ARID5B: variants seen among roughly 807,000 people sequenced by gnomAD.
The protein encoded by ARID5B is AT-rich interaction domain 5B.
Under a neutral mutation model 97.2 loss-of-function variants are expected in ARID5B, and 13 were observed. That is an observed-to-expected ratio of 0.13 (90% CI 0.09 to 0.21). The LOEUF (loss-of-function observed/expected upper bound fraction) is 0.21, where lower values mean the gene tolerates loss of function less well. ARID5B is among the 10% of genes least tolerant of loss of function. ARID5B has a pLI of 1.00. For synonymous variants in ARID5B, 556 were observed against 570.3 expected (o/e 0.97, Z 0.36); for missense variants, 1,210 against 1,465.3 (o/e 0.83, Z 2.84).
rs368107420 is a variant in ARID5B at position 62,085,909 on chromosome 10, C to T, written c.1398+9C>T. The T allele has an allele frequency of 6.2e-7, 1 of 1,605,760 alleles. No homozygotes were observed. The highest frequency in any genetic ancestry group is 8.5e-7 in the Non-Finnish European group (1 of 1,177,944). On this transcript the variant is annotated intron_variant, in intron 9 of 9. Coordinates refer to ENST00000279873, the MANE Select transcript of ARID5B (RefSeq NM_032199.3). ...CCCAGGATGCAGCAGAGGTGAGTTG[C>T]TTTGCTCCATAGAAATACCTCTGGA... is the stretch of plus-strand genomic sequence containing the variant.
chr10:61,940,943 A>ATG (rs1564608212), intron 3 of ARID5B, among the ~76,000 whole-genome samples: 1 of 4,434 alleles, frequency 2.3e-4, no homozygotes, highest in Non-Finnish European at 7.3e-4. Flanking sequence ...ATATATATAT[A>ATG]TATATATATA....
chr10:61,939,391 G>A (rs183698092), intron 2 of ARID5B, among the ~76,000 whole-genome samples: 115 of 152,292 alleles, frequency 7.6e-4, no homozygotes, highest in African/African-American at 2.6e-3. Flanking sequence ...AGTCAGAAAA[G>A]TTGGTTGTTT....
rs116200916 is a variant in ARID5B at position 61,933,116 on chromosome 10, C to T, written c.277-7067C>T. Among the ~76,000 whole-genome samples the T allele has an allele frequency of 5.8e-3, 888 of 152,324 alleles. 13 individuals are homozygous for T. The highest frequency in any genetic ancestry group is 0.02 in the African/African-American group (851 of 41,580). ...AACAAAAAAACATTGTTGACAGCAT[C>T]TTCACCAACAGTAGATTTTATGTCA... On this transcript the variant is annotated intron_variant, in intron 2 of 9. Transcript: ENST00000279873.
chr10:61,992,452 T>C (rs1429954276), intron 3 of ARID5B, among the ~76,000 whole-genome samples: 4 of 152,212 alleles, frequency 2.6e-5, no homozygotes, highest in African/African-American at 9.7e-5. Context: ...CAAAAGCTGA[T>C]AGTAACATTT....
At chr10:61,936,809 A>G (rs1844309140) in intron 2 of ARID5B, among the ~76,000 whole-genome samples, 1 of 4,924 alleles carries the variant, frequency 2.0e-4, no homozygotes, top group Non-Finnish European at 6.4e-4. Flanking sequence ...AGGCAGACAG[A>G]ATTATTATAA....
chr10:62,000,458 C>A lies in ARID5B; in HGVS notation c.733+137C>A. On this transcript the variant is annotated intron_variant, in intron 4 of 9. Coordinates refer to ENST00000279873, the MANE Select transcript of ARID5B (RefSeq NM_032199.3). This position sits in a 1 kb window ranked among gnomAD's most constrained non-coding sequence, Gnocchi z 4.4. ...GTGCTGCCCCACCCCTCCCATCCCC[C>A]AAATTATTGCGGCATAAGGCGTCAT... The A allele has an allele frequency of 1.3e-6, 1 of 744,410 alleles. No individual in the cohort carries two copies. Among genetic ancestry groups the A allele is most frequent in the South Asian group, 1.9e-5 (1 of 52,818 alleles). 46.1% of individuals were successfully genotyped at this position (744,410 alleles called of 1,614,324 possible).
intron 3 of ARID5B, among the ~76,000 whole-genome samples, chr10:61,985,318 C>A (rs1163311662): frequency 6.6e-6 from 1 of 151,806 alleles, no homozygotes; most frequent in Non-Finnish European, 1.5e-5. Context: ...TGCCCACCAC[C>A]TTTTCTAGGC....
At chr10:61,936,232 A>G (rs1310566632) in intron 2 of ARID5B, among the ~76,000 whole-genome samples, 1 of 152,226 alleles carries the variant, frequency 6.6e-6, no homozygotes, top group African/African-American at 2.4e-5. Context: ...AAAACTTGCT[A>G]TATCTCCTAT....
chr10:61,925,187 A>AGTGG (rs1844082190), intron 2 of ARID5B, among the ~76,000 whole-genome samples: 3 of 152,278 alleles, frequency 2.0e-5, no homozygotes, highest in East Asian at 3.9e-4. Flanking sequence ...CCTGGGCGAC[A>AGTGG]GAGACTCTGT....
chr10:61,916,344 C>T, intron 2 of ARID5B, among the ~76,000 whole-genome samples: 1 of 152,208 alleles, frequency 6.6e-6, no homozygotes, highest in East Asian at 1.9e-4. Flanking sequence ...TCTCTGGCAG[C>T]TTTCGCACTA....
chr10:61,999,918 T>C (rs1440835126), intron 3 of ARID5B, among the ~76,000 whole-genome samples, 173 bp from the exon 4 acceptor site: 1 of 152,040 alleles, frequency 6.6e-6, no homozygotes, highest in Non-Finnish European at 1.5e-5. Flanking sequence ...GCGTATTCTG[T>C]GGGGCTGGAT....
At chr10:62,048,784 T>C (rs1445917429) in intron 4 of ARID5B, among the ~76,000 whole-genome samples, 1 of 152,190 alleles carries the variant, frequency 6.6e-6, no homozygotes, top group Non-Finnish European at 1.5e-5. Flanking sequence ...TTTGAAAGCT[T>C]TTCTAGAAAT....
chr10:61,911,136 G>A (rs1843797062), intron 2 of ARID5B, among the ~76,000 whole-genome samples: 1 of 152,160 alleles, frequency 6.6e-6, no homozygotes, highest in Admixed American at 6.5e-5. Context: ...TTGTCTTTGA[G>A]AATAATGGGC....
chr10:62,022,846 G>A (rs753037855), intron 4 of ARID5B, among the ~76,000 whole-genome samples: 2 of 152,220 alleles, frequency 1.3e-5, no homozygotes, highest in Non-Finnish European at 2.9e-5. Flanking sequence ...TCTCCTCATT[G>A]TGAACGATTC....
intron 3 of ARID5B, among the ~76,000 whole-genome samples, chr10:61,978,920 G>C (rs1171963028): frequency 6.6e-6 from 1 of 152,132 alleles, no homozygotes; most frequent in Non-Finnish European, 1.5e-5. Flanking sequence ...GGTGAGAGAG[G>C]GCATCCCTGT....
chr10:61,953,150 T>C (rs2132813256), intron 3 of ARID5B, among the ~76,000 whole-genome samples: 1 of 152,314 alleles, frequency 6.6e-6, no homozygotes, highest in South Asian at 2.1e-4. Flanking sequence ...GCTTGCTAAT[T>C]ATGGTGGAAG....
chr10:62,001,273 C>G (rs927871922), intron 4 of ARID5B, among the ~76,000 whole-genome samples: 2 of 152,108 alleles, frequency 1.3e-5, no homozygotes, highest in Non-Finnish European at 2.9e-5. Flanking sequence ...GAACCCCTAC[C>G]ACTCTCACCC....
chr10:62,078,945 C>T (rs1840174015), intron 8 of ARID5B, among the ~76,000 whole-genome samples: 1 of 152,220 alleles, frequency 6.6e-6, no homozygotes, highest in East Asian at 1.9e-4. Context: ...TTTTGAAGAG[C>T]TATGGCATGG....
At chr10:62,015,554 G>A (rs894397845) in intron 4 of ARID5B, among the ~76,000 whole-genome samples, 9 of 152,180 alleles carry the variant, frequency 5.9e-5, no homozygotes, top group African/African-American at 1.9e-4. Flanking sequence ...GGGGGAAACC[G>A]AGTACACTCT....
Sources: allele counts gnomAD v4.1 joint callset (sites outside exome capture counted in the v4.1 genomes callset), GRCh38; gene constraint gnomAD v4.1.1; non-coding constraint Gnocchi (gnomAD v3.1); transcripts MANE v1.5; gene names NCBI Gene and HGNC (gene_info 2026-07-23, HGNC 2026-07-21).